Variants in COLEC10 observed in about 807,000 individuals in gnomAD.
COLEC10 encodes collectin subfamily member 10.
Under a neutral mutation model 28.4 loss-of-function variants are expected in COLEC10, and 22 were observed. The ratio of observed to expected loss-of-function variants is 0.78; its 90% CI spans 0.55 to 1.11. The LOEUF is 1.11. Among genes scored for constraint, COLEC10 ranks in the 50% least tolerant of loss-of-function variants. The pLI, the probability that COLEC10 is intolerant of heterozygous loss-of-function variation, is 0.00. For synonymous variants in COLEC10, 125 were observed against 116.1 expected, an observed-to-expected ratio of 1.08 and a Z score of -0.49; for missense variants, 361 against 344.1, an observed-to-expected ratio of 1.05 and a Z score of -0.39.
intron 3 of COLEC10, among the ~76,000 whole-genome samples, chr8:119,091,573 A>AAGAAAG (rs1554629251): frequency 2.8e-4 from 40 of 140,638 alleles, no homozygotes; most frequent in South Asian, 4.7e-4. Flanking sequence ...GAAAGAAAGA[A>AAGAAAG]AGAGAGAGAG....
chr8:119,101,294 T>C (rs923764670), intron 3 of COLEC10, among the ~76,000 whole-genome samples: 1 of 152,168 alleles, frequency 6.6e-6, no homozygotes, highest in Admixed American at 6.6e-5. Flanking sequence ...TTTCTTTTTT[T>C]CCAGATCACT....
At chr8:118,958,393 C>G in the COLEC10 span, among the ~76,000 whole-genome samples, 2 of 152,182 alleles carry the variant, frequency 1.3e-5, no homozygotes, top group African/African-American at 4.8e-5. Context: ...TCCACTAAAG[C>G]TTAAGTCACA....
intron 1 of COLEC10, among the ~76,000 whole-genome samples, chr8:119,000,396 T>C (rs1813672390): frequency 6.6e-6 from 1 of 152,130 alleles, no homozygotes; most frequent in African/African-American, 2.4e-5. Flanking sequence ...TGAAATGAAG[T>C]GCCCATCAGC....
At chr8:119,088,424 A>G (rs1815525976) in intron 1 of COLEC10, among the ~76,000 whole-genome samples, 1 of 152,162 alleles carries the variant, frequency 6.6e-6, no homozygotes, top group Non-Finnish European at 1.5e-5. Flanking sequence ...ACTCTTCCAT[A>G]CATTGTCCTT....
chr8:119,047,769 A>T (rs192844917), intron 2 of COLEC10, among the ~76,000 whole-genome samples: 2 of 111,838 alleles, frequency 1.8e-5, no homozygotes, highest in Admixed American at 8.4e-5. Flanking sequence ...GAGAATTATA[A>T]GAAAAACAGG....
intron 2 of COLEC10, among the ~76,000 whole-genome samples, chr8:119,011,008 C>T (rs1053669762): frequency 1.3e-5 from 2 of 150,890 alleles, no homozygotes; most frequent in African/African-American, 5.0e-5. Context: ...TGAAGTTCAG[C>T]TTATCAATTT....
chr8:118,965,200 T>C, the COLEC10 span, among the ~76,000 whole-genome samples: 1 of 151,632 alleles, frequency 6.6e-6, no homozygotes, highest in Non-Finnish European at 1.5e-5. Context: ...AGGGAAATTC[T>C]CTGTATTATA....
chr8:119,037,842 T>C (rs4380972), intron 2 of COLEC10, among the ~76,000 whole-genome samples: 139,897 of 152,312 alleles, frequency 0.92, 64,418 homozygotes, highest in East Asian at 1. Context: ...CTGGTTGACA[T>C]TCATTCTATA....
Position 119,010,794 on chromosome 8 carries a change from G to A in COLEC10, n.235+1241G>A, listed in dbSNP as rs574365486. 1.0e-3 allele frequency among the ~76,000 whole-genome samples: 158 copies of A among 151,072 alleles called. 18 individuals carry two copies. Among genetic ancestry groups the A allele is most frequent in the African/African-American group, 3.7e-3 (149 of 40,550 alleles). ...TTTCATATGGTAATTTGCCATCTGC[G>A]CATCTTTAGTGAGGTGTCTGTTAAT... On this transcript the variant is annotated intron_variant and non_coding_transcript_variant, in intron 2 of 6. Transcript: ENST00000521788.
chr8:118,957,469 G>A, the COLEC10 span, among the ~76,000 whole-genome samples: 1 of 152,176 alleles, frequency 6.6e-6, no homozygotes, highest in Admixed American at 6.6e-5. Context: ...TGGCCCAAGG[G>A]AGTAAAGTCA....
the COLEC10 span, among the ~76,000 whole-genome samples, chr8:118,965,054 A>G: frequency 1.2e-4 from 18 of 152,348 alleles, no homozygotes; most frequent in African/African-American, 4.3e-4. Flanking sequence ...AAGGAAGAGA[A>G]TGGATTAACC....
intron 2 of COLEC10, among the ~76,000 whole-genome samples, chr8:119,058,175 A>G (rs1184648867): frequency 1.3e-5 from 2 of 152,170 alleles, no homozygotes; most frequent in Admixed American, 1.3e-4. Context: ...GACTATTTCC[A>G]GTCTTAAAAA....
intron 2 of COLEC10, among the ~76,000 whole-genome samples, chr8:119,032,907 A>AAAGCC (rs1814317433): frequency 6.6e-6 from 1 of 152,232 alleles, no homozygotes; most frequent in Non-Finnish European, 1.5e-5. Flanking sequence ...ATCTCAAAAT[A>AAAGCC]AAGCCAAACC....
intron 3 of COLEC10, 97 bp from the exon 4 acceptor site, chr8:119,102,250 CT>C (rs1815846935): frequency 1.1e-5 from 3 of 268,384 alleles, no homozygotes; most frequent in Non-Finnish European, 2.0e-5. Context: ...CTCCTTCCTT[CT>C]TTTCCTTCCT....
chr8:119,105,282 GT>G (rs1235396425), intron 5 of COLEC10, among the ~76,000 whole-genome samples: 2 of 152,144 alleles, frequency 1.3e-5, no homozygotes, highest in African/African-American at 4.8e-5. Flanking sequence ...GAAGGAGGAA[GT>G]GAAAGGGGCA....
chr8:119,053,863 A>G (rs1814719938), intron 2 of COLEC10, among the ~76,000 whole-genome samples: 1 of 152,092 alleles, frequency 6.6e-6, no homozygotes, highest in Admixed American at 6.6e-5. Context: ...GAAACCGTGG[A>G]TAGTATTGAA....
chr8:119,039,219 A>C (rs1814448943), intron 2 of COLEC10, among the ~76,000 whole-genome samples: 1 of 151,950 alleles, frequency 6.6e-6, no homozygotes, highest in East Asian at 1.9e-4. Flanking sequence ...TCATGCTTCA[A>C]TTCCCAATCC....
At chr8:118,958,760 A>G in the COLEC10 span, among the ~76,000 whole-genome samples, 1 of 152,190 alleles carries the variant, frequency 6.6e-6, no homozygotes, top group Non-Finnish European at 1.5e-5. Context: ...ATCATTTGTC[A>G]TATTTCAATA....
intron 2 of COLEC10, among the ~76,000 whole-genome samples, chr8:119,031,850 CTT>C (rs1474667410): frequency 6.6e-6 from 1 of 152,138 alleles, no homozygotes; most frequent in East Asian, 1.9e-4. Flanking sequence ...ATAAATGTAA[CTT>C]AATGTCACAT....
Sources: gnomAD v4.1 joint callset for allele counts (sites outside exome capture counted in the v4.1 genomes callset) on GRCh38, gnomAD v4.1.1 for gene constraint, MANE v1.5 for transcripts, NCBI Gene and HGNC (gene_info 2026-07-23, HGNC 2026-07-21) for gene names.